The following NPY2R variants were observed in gnomAD, a reference collection of about 807,000 sequenced individuals.
NPY2R encodes neuropeptide Y receptor Y2.
In NPY2R, 17 loss-of-function variants were observed where a neutral mutation model predicts 22.3. The observed-to-expected ratio is 0.76, with a 90% CI of 0.52 to 1.14. NPY2R has a LOEUF of 1.14. Among genes scored for constraint, NPY2R ranks in the 50% most tolerant of loss-of-function variants. The pLI is 0.00. For missense variants in NPY2R, 424 were observed against 467.9 expected (o/e 0.91, Z 0.87); for synonymous variants, 209 against 183.4 (o/e 1.14, Z -1.13).
At position 155,214,020 on chromosome 4, in the gene NPY2R, T is replaced by C; in HGVS notation, c.81T>C (p.Thr27=). ...MKVEQYGPQT[T]PRGELVPDPE... ...TGGAACAATACGGGCCACAAACAAC[T>C]CCTAGAGGTGAACTGGTCCCTGACC... Residue 27 remains threonine, a synonymous_variant, in exon 2 of 2, where the codon ACT becomes ACC. Transcript: ENST00000329476. 3.1e-6 allele frequency: 5 copies of C among 1,613,904 alleles called. No homozygotes were observed. The highest frequency in any genetic ancestry group is 4.2e-6 in the Non-Finnish European group (5 of 1,179,890).
the NPY2R span, among the ~76,000 whole-genome samples, chr4:155,176,117 C>T: frequency 6.6e-6 from 1 of 152,178 alleles, no homozygotes; most frequent in Admixed American, 6.5e-5. Flanking sequence ...ACATCTTATC[C>T]ATCATGTTTG....
At chr4:155,183,321 A>G in the NPY2R span, among the ~76,000 whole-genome samples, 71,261 of 151,924 alleles carry the variant, frequency 0.47, 17,447 homozygotes, top group East Asian at 0.69. Context: ...TCATGGGAGA[A>G]TTCCTTATGA....
the NPY2R span, among the ~76,000 whole-genome samples, chr4:155,183,192 G>A: frequency 2.0e-5 from 3 of 152,132 alleles, no homozygotes; most frequent in Admixed American, 1.3e-4. Flanking sequence ...TCTGTGGCCT[G>A]ACCAAGTAAT....
At chr4:155,191,937 T>C in the NPY2R span, among the ~76,000 whole-genome samples, 1 of 152,090 alleles carries the variant, frequency 6.6e-6, no homozygotes, top group Middle Eastern at 3.4e-3. Flanking sequence ...TAGGGCAATA[T>C]GGATTCTAAA....
At chr4:155,186,304 T>G in the NPY2R span, among the ~76,000 whole-genome samples, 1 of 152,150 alleles carries the variant, frequency 6.6e-6, no homozygotes, top group Non-Finnish European at 1.5e-5. Context: ...TAATGATAAA[T>G]CATATTTTAG....
Position 155,208,853 on chromosome 4 carries a change from G to C in NPY2R, c.-265G>C, listed in dbSNP as rs988966603. ...CCAGGCGCGCTTGGCCTGAGAGGTC[G>C]GCAGCAGACCCGGCAGCGCCAACCG... On this transcript the variant is annotated 5_prime_UTR_variant, in exon 1 of 2. Coordinates refer to ENST00000329476, the MANE Select transcript of NPY2R (RefSeq NM_000910.4). The surrounding 1 kb of genome is among the most constrained non-coding windows in gnomAD (Gnocchi z 5.6). 6.6e-6 allele frequency: 1 copy of C among 152,162 alleles called. No homozygotes were observed. Among genetic ancestry groups the C allele is most frequent in the Non-Finnish European group, 1.5e-5 (1 of 68,066 alleles). The allele number at this position is 152,162 out of a possible 1,614,324, so 9.4% of individuals were successfully genotyped here.
At chr4:155,206,453 G>A (rs531609499), upstream of NPY2R, 3 of 152,308 alleles carry the variant, frequency 2.0e-5, no homozygotes, top group East Asian at 5.8e-4. Context: ...ATGCACAAAA[G>A]TGTCATAAGC....
chr4:155,197,285 T>G, the NPY2R span, among the ~76,000 whole-genome samples: 3 of 152,020 alleles, frequency 2.0e-5, no homozygotes, highest in African/African-American at 7.2e-5. Context: ...AGGTCATATA[T>G]GAATGACTAT....
chr4:155,194,985 A>G, the NPY2R span, among the ~76,000 whole-genome samples: 1 of 151,928 alleles, frequency 6.6e-6, no homozygotes, highest in Non-Finnish European at 1.5e-5. Flanking sequence ...TCTAATGATC[A>G]GGCATTTTGG....
At chr4:155,189,623 A>G in the NPY2R span, among the ~76,000 whole-genome samples, 382 of 152,130 alleles carry the variant, frequency 2.5e-3, 2 homozygotes, top group African/African-American at 8.9e-3. Context: ...TTGTATACAT[A>G]GAGCAAAATT....
chr4:155,174,484 A>ATATATATATTTTTTTT, the NPY2R span, among the ~76,000 whole-genome samples: 4 of 106,118 alleles, frequency 3.8e-5, no homozygotes, highest in African/African-American at 1.8e-4. Context: ...ATATATATAT[A>ATATATATATTTTTTTT]TTTTTTTTTT....
At chr4:155,203,322 T>G in the NPY2R span, among the ~76,000 whole-genome samples, 1 of 152,130 alleles carries the variant, frequency 6.6e-6, no homozygotes, top group African/African-American at 2.4e-5. Context: ...ATTTAGCCTA[T>G]GAGATTTGTG....
intron 1 of NPY2R, among the ~76,000 whole-genome samples, chr4:155,209,600 A>G (rs1177113998): frequency 6.6e-6 from 1 of 152,144 alleles, no homozygotes; most frequent in Non-Finnish European, 1.5e-5. Context: ...GGCTTCCCAC[A>G]CCCTTTGGTG....
intron 1 of NPY2R, 35 bp downstream of exon 1, chr4:155,209,104 G>A (rs1191122055): frequency 2.0e-5 from 3 of 152,224 alleles, no homozygotes; most frequent in Non-Finnish European, 4.4e-5. Context: ...CACCTCCTGG[G>A]AACAAGAAAA....
the NPY2R span, among the ~76,000 whole-genome samples, chr4:155,194,097 GTGTT>G: frequency 2.7e-5 from 4 of 150,456 alleles, no homozygotes; most frequent in South Asian, 6.3e-4. Context: ...TATACATACA[GTGTT>G]TGTTTGTCAA....
the NPY2R span, among the ~76,000 whole-genome samples, chr4:155,199,377 A>G: frequency 6.6e-6 from 1 of 152,152 alleles, no homozygotes; most frequent in Non-Finnish European, 1.5e-5. Context: ...GACACAAACA[A>G]ATGGAAAAAC....
At chr4:155,193,139 G>A in the NPY2R span, among the ~76,000 whole-genome samples, 1 of 151,870 alleles carries the variant, frequency 6.6e-6, no homozygotes, top group African/African-American at 2.4e-5. Context: ...AATATTTTTT[G>A]AGAGCTTACT....
intron 1 of NPY2R, 69 bp from the exon 2 acceptor site, chr4:155,213,823 C>T: frequency 2.3e-6 from 2 of 876,216 alleles, no homozygotes; most frequent in Non-Finnish European, 1.9e-6. Flanking sequence ...TTTGCTTCAC[C>T]TTTGTGTTTT....
chr4:155,186,517 T>C, the NPY2R span, among the ~76,000 whole-genome samples: 1 of 152,192 alleles, frequency 6.6e-6, no homozygotes, highest in Non-Finnish European at 1.5e-5. Flanking sequence ...TTTTAATATA[T>C]GTTTGCATTG....
Sources: allele counts gnomAD v4.1 joint callset (sites outside exome capture counted in the v4.1 genomes callset), GRCh38; gene constraint gnomAD v4.1.1; non-coding constraint Gnocchi (gnomAD v3.1); transcripts MANE v1.5; gene names NCBI Gene and HGNC (gene_info 2026-07-23, HGNC 2026-07-21).